The following C1orf94 variants were observed in gnomAD, a reference collection of about 807,000 sequenced individuals.
The protein encoded by C1orf94 is uncharacterized protein C1orf94.
C1orf94 carries 45 observed loss-of-function variants against 53.6 expected under a neutral mutation model. The observed-to-expected ratio is 0.84, with a 90% CI of 0.66 to 1.08. C1orf94 has a LOEUF of 1.08. Among genes scored for constraint, C1orf94 ranks in the 50% least tolerant of loss-of-function variants. The pLI is 0.00. For synonymous variants in C1orf94, 304 were observed against 296.1 expected, an observed-to-expected ratio of 1.03 and a Z score of -0.27; for missense variants, 762 against 738.9, an observed-to-expected ratio of 1.03 and a Z score of -0.36.
intron 2 of C1orf94, among the ~76,000 whole-genome samples, chr1:34,199,603 T>C (rs1014198037): frequency 7.9e-5 from 12 of 152,214 alleles, no homozygotes; most frequent in Non-Finnish European, 1.5e-4. Flanking sequence ...TCTGGCTGCA[T>C]CCAGACAGAT....
chr1:34,218,840 G>C lies in C1orf94; in HGVS notation c.*79G>C. On this transcript the variant is annotated 3_prime_UTR_variant, in exon 7 of 7. Coordinates refer to ENST00000488417, the MANE Select transcript of C1orf94 (RefSeq NM_001134734.2). ...TGATTTTTGGATTCTGCAAAAGCTTGGTATGAAGTTTGGAAAAGCAAGGTT... is the reference window on the plus strand; with the variant it reads ...TGATTTTTGGATTCTGCAAAAGCTTCGTATGAAGTTTGGAAAAGCAAGGTT... 2 of 1,355,266 alleles carry C rather than the reference G, an allele frequency of 1.5e-6. No homozygotes were observed. The highest frequency in any genetic ancestry group is 1.5e-5 in the South Asian group (1 of 68,874). 84.0% of individuals were successfully genotyped at this position (1,355,266 alleles called of 1,614,324 possible).
At chr1:34,205,887 C>T (rs1642785264) in intron 4 of C1orf94, among the ~76,000 whole-genome samples, 2 of 152,190 alleles carry the variant, frequency 1.3e-5, no homozygotes, top group African/African-American at 4.8e-5. Context: ...TAAAGGAACT[C>T]TGCTCCCAAT....
chr1:34,179,988 G>A (rs143709571), intron 1 of C1orf94, among the ~76,000 whole-genome samples: 10 of 152,266 alleles, frequency 6.6e-5, no homozygotes, highest in East Asian at 3.9e-4. Flanking sequence ...ACGAATAAAC[G>A]ACATCCTAAT....
intron 3 of C1orf94, 51 bp downstream of exon 3, chr1:34,201,083 C>G: frequency 6.5e-7 from 1 of 1,544,170 alleles, no homozygotes; most frequent in Non-Finnish European, 8.8e-7. Flanking sequence ...TTGCAGTGAC[C>G]CTCACAGGCT....
upstream of C1orf94, among the ~76,000 whole-genome samples, chr1:34,174,807 A>C (rs1351913913): frequency 6.6e-6 from 1 of 152,238 alleles, no homozygotes; most frequent in Non-Finnish European, 1.5e-5. Context: ...TAATACACCA[A>C]GGCACAGAGT....
At position 34,177,080 on chromosome 1, in the gene C1orf94, C is replaced by T. The variant is rs1642237713; in HGVS notation, c.-710C>T. 6.6e-6 allele frequency among the ~76,000 whole-genome samples: 1 copy of T among 152,244 alleles called. No homozygotes were observed. The highest frequency in any genetic ancestry group is 1.5e-5 in the Non-Finnish European group (1 of 68,044). On this transcript the variant is annotated 5_prime_UTR_variant, in exon 1 of 7. Transcript: ENST00000488417. ...CCTTCCCGGTGCCCGCCTGGCAGCG[C>T]GGCGCGGCTGGGGCAGGGGTCTGCT... is the stretch of plus-strand genomic sequence containing the variant.
intron 6 of C1orf94, among the ~76,000 whole-genome samples, chr1:34,215,872 C>T (rs1642979409): frequency 1.3e-5 from 2 of 151,990 alleles, no homozygotes; most frequent in African/African-American, 4.8e-5. Flanking sequence ...TGGGCATAAT[C>T]GTGGGTGCCT....
intron 1 of C1orf94, among the ~76,000 whole-genome samples, chr1:34,182,258 A>G (rs1284919002): frequency 6.6e-6 from 1 of 152,162 alleles, no homozygotes; most frequent in East Asian, 1.9e-4. Flanking sequence ...TTTGAGAGGG[A>G]CAGCGAGACG....
chr1:34,186,665 A>G (rs1642389022), intron 1 of C1orf94, among the ~76,000 whole-genome samples: 1 of 152,238 alleles, frequency 6.6e-6, no homozygotes, highest in African/African-American at 2.4e-5. Flanking sequence ...TCTTTTGAGG[A>G]CGATAGAATG....
In C1orf94 at chr1:34,169,613, G is replaced by GAGAGAGAA. The variant is rs1642110683; in HGVS notation, c.-251+2449_-251+2450insAAGAGAGA. Among the ~76,000 whole-genome samples, 12 of 102,060 alleles carry GAGAGAGAA rather than the reference G, an allele frequency of 1.2e-4. No individual in the cohort carries two copies. In the South Asian group the frequency reaches 3.8e-3, roughly 32 times the overall value. The allele number at this position is 102,060 out of a possible 152,430, so 67.0% of individuals were successfully genotyped here. On this transcript the variant is annotated intron_variant, in intron 1 of 6. Transcript: ENST00000373374. Reference sequence around the variant, plus strand: ...TCTGAAGCTGAGAGAGAGAGAGAGAGAGAGAGAGAGAGAGAGAGAGAGTGA... The same window carrying GAGAGAGAA: ...TCTGAAGCTGAGAGAGAGAGAGAGAGAGAGAGAAAGAGAGAGAGAGAGAGAGAGAGTGA...
rs534133944 is a variant in C1orf94, at chr1:34,204,466, T to G, written c.1446+2207T>G. 7.2e-5 allele frequency among the ~76,000 whole-genome samples: 11 copies of G among 152,252 alleles called. No individual in the cohort carries two copies. The South Asian group carries it at 1.5e-3, about 20-fold the overall frequency. On this transcript the variant is annotated intron_variant, in intron 4 of 6. Transcript: ENST00000488417. ...AAGCTGAAGTGGACCAGTTTCATAT[T>G]AGTAGTCTATTGTCATGGACCTGTT...
At chr1:34,214,199 G>A (rs1046248407) in intron 6 of C1orf94, among the ~76,000 whole-genome samples, 1 of 152,198 alleles carries the variant, frequency 6.6e-6, no homozygotes, top group Non-Finnish European at 1.5e-5. Context: ...ACTGGGAGGA[G>A]GGCATTCCAG....
upstream of C1orf94, among the ~76,000 whole-genome samples, chr1:34,174,024 G>A (rs139038721): frequency 1.8e-4 from 28 of 152,322 alleles, no homozygotes; most frequent in East Asian, 4.2e-3. Context: ...GCTTTGCCCC[G>A]CCTCTGTCAC....
Position 34,177,348 on chromosome 1 carries a change from G to A in C1orf94, c.-442G>A, listed in dbSNP as rs1015641261. Among the ~76,000 whole-genome samples, 8 of 152,198 alleles carry A rather than the reference G, an allele frequency of 5.3e-5. No homozygotes were observed. The highest frequency in any genetic ancestry group is 1.3e-4 in the Admixed American group (2 of 15,294). On this transcript the variant is annotated 5_prime_UTR_variant, in exon 1 of 7. Transcript: ENST00000488417. ...GAGTGCCTACAATGGTGCCAGGCCCGCACCCAGTCCTCCGCGTGGCTTAGC... is the reference window on the plus strand; with the variant it reads ...GAGTGCCTACAATGGTGCCAGGCCCACACCCAGTCCTCCGCGTGGCTTAGC...
chr1:34,218,936 T>C lies in C1orf94; in HGVS notation c.*175T>C. On this transcript the variant is annotated 3_prime_UTR_variant, in exon 7 of 7. Transcript: ENST00000488417. ...GCCAACACTGACACAAAAATAGCCC[T>C]CCTCACACATGGCACAAGCTACACA... 2.2e-6 allele frequency: 1 copy of C among 445,420 alleles called. No individual in the cohort carries two copies. The highest frequency in any genetic ancestry group is 4.0e-6 in the Non-Finnish European group (1 of 252,696). The allele number at this position is 445,420 out of a possible 1,614,324, so 27.6% of individuals were successfully genotyped here. A position where few individuals can be genotyped will look rare whatever the true frequency, so the allele number is the denominator to read the frequency against.
At chr1:34,204,991 C>G (rs1486830567) in intron 4 of C1orf94, among the ~76,000 whole-genome samples, 1 of 152,194 alleles carries the variant, frequency 6.6e-6, no homozygotes, top group Non-Finnish European at 1.5e-5. Flanking sequence ...TAGTACAAGT[C>G]GATTCACTCT....
intron 1 of C1orf94, among the ~76,000 whole-genome samples, chr1:34,182,801 A>G (rs1642330100): frequency 6.6e-6 from 1 of 152,066 alleles, no homozygotes; most frequent in Admixed American, 6.5e-5. Context: ...GCCTCAGAGC[A>G]AAGGATTCCA....
Position 34,180,698 on chromosome 1 carries a change from G to A in C1orf94, c.320+2589G>A, listed in dbSNP as rs929501556. Among the ~76,000 whole-genome samples, 5 of 152,318 alleles carry A rather than the reference G, an allele frequency of 3.3e-5. No individual in the cohort carries two copies. In the South Asian group the frequency reaches 1.0e-3, roughly 32 times the overall value. On this transcript the variant is annotated intron_variant, in intron 1 of 6. Transcript: ENST00000488417. ...ATCACACACAGAGTGAAAAGCCAGG[G>A]AGCTGTTCTTACTATTTCTAGAATG... is the stretch of plus-strand genomic sequence containing the variant.
intron 1 of C1orf94, among the ~76,000 whole-genome samples, chr1:34,169,298 T>C (rs1642102506): frequency 6.6e-6 from 1 of 151,436 alleles, no homozygotes; most frequent in Admixed American, 6.6e-5. Context: ...CCTAGGAGAG[T>C]GTGGGTCTCA....
Sources: allele counts gnomAD v4.1 joint callset (sites outside exome capture counted in the v4.1 genomes callset), GRCh38; gene constraint gnomAD v4.1.1; transcripts MANE v1.5; gene names NCBI Gene and HGNC (gene_info 2026-07-23, HGNC 2026-07-21).